The following TTC12 variants were observed in gnomAD, a reference collection of about 807,000 sequenced individuals.
The protein encoded by TTC12 is tetratricopeptide repeat protein 12.
TTC12 carries 70 observed loss-of-function variants against 90.1 expected under a neutral mutation model. The ratio of observed to expected loss-of-function variants is 0.78; its 90% CI spans 0.64 to 0.95. The LOEUF (loss-of-function observed/expected upper bound fraction) is 0.95. TTC12 is among the 40% of genes least tolerant of loss of function. The pLI is 0.00. For missense variants in TTC12, 819 were observed against 846.1 expected, an observed-to-expected ratio of 0.97 and a Z score of 0.40; for synonymous variants, 296 against 311.5, an observed-to-expected ratio of 0.95 and a Z score of 0.53.
chr11:113,366,394 A>G (rs575519649), downstream of TTC12: 11 of 1,575,782 alleles, frequency 7.0e-6, no homozygotes, highest in Middle Eastern at 1.7e-4. Flanking sequence ...TCCACTTCAG[A>G]ATCAAGTACT....
chr11:113,322,454 G>A (rs1255644499), intron 2 of TTC12, among the ~76,000 whole-genome samples: 1 of 152,156 alleles, frequency 6.6e-6, no homozygotes, highest in African/African-American at 2.4e-5. Context: ...TGTAGGTATA[G>A]GCAGTTTTGT....
intron 16 of TTC12, among the ~76,000 whole-genome samples, chr11:113,354,626 G>T (rs1434666074): frequency 1.3e-5 from 2 of 152,080 alleles, no homozygotes; most frequent in African/African-American, 2.4e-5. Context: ...TTACTTTGAG[G>T]TATATTCCTT....
At chr11:113,350,899 T>G (rs1591598456) in intron 14 of TTC12, among the ~76,000 whole-genome samples, 1 of 152,168 alleles carries the variant, frequency 6.6e-6, no homozygotes, top group Non-Finnish European at 1.5e-5. Context: ...GCTTGCATGG[T>G]ATTTGCCTTC....
At chr11:113,370,707 G>A (rs1950358523), downstream of TTC12, among the ~76,000 whole-genome samples, 1 of 152,176 alleles carries the variant, frequency 6.6e-6, no homozygotes, top group African/African-American at 2.4e-5. Flanking sequence ...GGGAACAGTG[G>A]GCTGCCGATT....
chr11:113,328,035 T>C (rs1164581288), intron 6 of TTC12, among the ~76,000 whole-genome samples: 3 of 152,212 alleles, frequency 2.0e-5, no homozygotes, highest in Non-Finnish European at 2.9e-5. Context: ...AATTGGCTTG[T>C]CCATGTAAGT....
rs142932707 is a variant in TTC12 at position 113,340,733 on chromosome 11, G to C, written c.896G>C (p.Arg299Thr). 11 of 1,612,766 alleles carry C rather than the reference G, an allele frequency of 6.8e-6. 1 individual carries two copies. The highest frequency in any genetic ancestry group is 2.7e-5 in the African/African-American group (2 of 74,876). ...ATCAGTGACAACGAGGTCATAAGAA[G>C]GTAGGGATGTTCATAGAGACAGCCC... Reference protein sequence around the residue: ...SIISDNEVIRRCFSTAGNDAV... With the variant: ...SIISDNEVIRTCFSTAGNDAV... Residue 299 changes from arginine to threonine, a missense_variant and splice_region_variant, in exon 11 of 22, where the codon AGG (arginine) becomes ACG (threonine). Arg to Thr is a moderately conservative substitution (Grantham distance 71). Transcript: ENST00000529221.
At chr11:113,360,628 C>T (rs541435115) in intron 18 of TTC12, among the ~76,000 whole-genome samples, 14 of 152,268 alleles carry the variant, frequency 9.2e-5, no homozygotes, top group African/African-American at 2.6e-4. Context: ...CACCCTAGAA[C>T]GTATTCTTCA....
rs573593343 is a variant in TTC12 at position 113,327,641 on chromosome 11, GA to G, written c.444+2006del. The stretch of plus-strand genomic sequence containing the variant: ...TTTAATCCAAGCCTTAAGAGAGAAA[GA>G]AAAAAAAAAGTAAAAGGCTGTGTAG... On this transcript the variant is annotated intron_variant, in intron 6 of 21. Coordinates refer to ENST00000529221, the MANE Select transcript of TTC12 (RefSeq NM_017868.4). Among the ~76,000 whole-genome samples the G allele has an allele frequency of 3.3e-3, 487 of 146,902 alleles. 3 individuals are homozygous for G. The highest frequency in any genetic ancestry group is 0.01 in the Admixed American group (149 of 14,816).
exon 22 of TTC12, chr11:113,373,140 G>T: frequency 1.0e-6 from 1 of 963,940 alleles, no homozygotes; most frequent in Non-Finnish European, 1.2e-6. Flanking sequence ...AAACTGAGGT[G>T]CAAAGCAGTT....
intron 21 of TTC12, chr11:113,365,639 C>G (rs754442385): frequency 6.3e-5 from 11 of 175,442 alleles, no homozygotes; most frequent in Non-Finnish European, 1.3e-4. Flanking sequence ...GCTCAGACCT[C>G]CACTCTGCTC....
At chr11:113,365,117 G>A (rs767834202) in intron 21 of TTC12, 57 bp downstream of exon 21, 8 of 1,540,088 alleles carry the variant, frequency 5.2e-6, no homozygotes, top group Non-Finnish European at 7.1e-6. Flanking sequence ...GCTGAGCTGA[G>A]GTGCTGAGTT....
At chr11:113,345,224 T>C (rs1555147705) in intron 13 of TTC12, among the ~76,000 whole-genome samples, 1 of 152,276 alleles carries the variant, frequency 6.6e-6, no homozygotes, top group African/African-American at 2.4e-5. Context: ...TAGCTTGCTT[T>C]ATAAATGTTT....
Position 113,350,082 on chromosome 11 carries a change from A to C in TTC12, c.1164A>C (p.Glu388Asp). The C allele has an allele frequency of 6.2e-7, 1 of 1,612,958 alleles. No individual in the cohort carries two copies. Among genetic ancestry groups the C allele is most frequent in the South Asian group, 1.1e-5 (1 of 91,036 alleles). The change falls in exon 14 of 22, where the codon GAA becomes GAC. Residue 388 changes from glutamate (E) to aspartate (D), a missense_variant. Coordinates refer to ENST00000529221, the MANE Select transcript of TTC12 (RefSeq NM_017868.4). ...TTATGGTTTTTTGCAGATTATTGGA[A>C]GCGCTGGTGTCATTTCTTGATTTCT... ...INHLDLTRLL[E>D]ALVSFLDFSD...
At chr11:113,351,151 G>T in intron 14 of TTC12, 88 bp from the exon 15 acceptor site, 1 of 1,269,964 alleles carries the variant, frequency 7.9e-7, no homozygotes. Context: ...TGGACCTAGA[G>T]TTTGCAACAT....
intron 21 of TTC12, among the ~76,000 whole-genome samples, chr11:113,366,022 A>C (rs1950184651): frequency 6.6e-6 from 1 of 152,170 alleles, no homozygotes; most frequent in Admixed American, 6.5e-5. Flanking sequence ...GAGTGTTTTC[A>C]GTGCTTTGTG....
At chr11:113,346,208 A>C (rs1412488346) in intron 13 of TTC12, among the ~76,000 whole-genome samples, 1 of 152,106 alleles carries the variant, frequency 6.6e-6, no homozygotes, top group Non-Finnish European at 1.5e-5. Flanking sequence ...TTTTAGTCTT[A>C]AGCGTACTGA....
chr11:113,319,321 C>T (rs538201749), intron 2 of TTC12, among the ~76,000 whole-genome samples: 4 of 152,148 alleles, frequency 2.6e-5, no homozygotes, highest in East Asian at 3.9e-4. Context: ...GAGAAATTGT[C>T]GCAGCCTAGA....
rs781862420 is a variant in TTC12, at chr11:113,325,577, A to G, written c.376A>G (p.Ile126Val). 37 of 1,613,926 alleles carry G rather than the reference A, an allele frequency of 2.3e-5. No homozygotes were observed. Among genetic ancestry groups the G allele is most frequent in the Non-Finnish European group, 3.0e-5 (35 of 1,179,874 alleles). ...TGCTGAAGGCAATTATGAAACAGCT[A>G]TCCTGCGCTACAGTGAGGGTTTGGA... is the stretch of plus-strand genomic sequence containing the variant. Reference protein sequence around the residue: ...AFAEGNYETAILRYSEGLEKL... With the variant: ...AFAEGNYETAVLRYSEGLEKL... The change falls in exon 6 of 22, where the codon ATC (isoleucine) becomes GTC (valine). Residue 126 changes from isoleucine (I) to valine (V), a missense_variant. By Grantham distance (29) the Ile-to-Val change is conservative. Transcript: ENST00000529221.
At chr11:113,351,426 T>C in intron 15 of TTC12, 127 bp downstream of exon 15, 1 of 802,760 alleles carries the variant, frequency 1.2e-6, no homozygotes, top group Non-Finnish European at 2.1e-6. Context: ...TATTCACAGC[T>C]GGAATTTACA....
Sources: gnomAD v4.1 joint callset for allele counts (sites outside exome capture counted in the v4.1 genomes callset) on GRCh38, gnomAD v4.1.1 for gene constraint, MANE v1.5 for transcripts, NCBI Gene and HGNC (gene_info 2026-07-23, HGNC 2026-07-21) for gene names.